PLXDC2: variants seen among roughly 807,000 people sequenced by gnomAD.
PLXDC2 encodes the protein plexin domain-containing protein 2.
A neutral mutation model predicts 68.9 loss-of-function variants in PLXDC2; 40 were observed. The observed-to-expected ratio is 0.58, with a 90% CI of 0.45 to 0.76. The LOEUF is 0.76. Ranked by LOEUF, PLXDC2 falls within the 30% of genes least tolerant of loss-of-function variation. The pLI, the probability that PLXDC2 is intolerant of heterozygous loss-of-function variation, is 0.00. For synonymous variants in PLXDC2, 243 were observed against 234.2 expected (o/e 1.04, Z -0.34); for missense variants, 644 against 661.9 (o/e 0.97, Z 0.30).
At chr10:20,185,160 G>GAAAAAAAA (rs11307851) in intron 9 of PLXDC2, among the ~76,000 whole-genome samples, 3 of 55,992 alleles carry the variant, frequency 5.4e-5, no homozygotes, top group Non-Finnish European at 6.4e-5. Flanking sequence ...GAACTGAAAG[G>GAAAAAAAA]AAAAAAAAAA....
chr10:19,976,595 A>G (rs905381661), intron 1 of PLXDC2, among the ~76,000 whole-genome samples: 1 of 152,174 alleles, frequency 6.6e-6, no homozygotes, highest in Non-Finnish European at 1.5e-5. Context: ...CCATCAGCGT[A>G]CAAAAATTTC....
chr10:20,164,852 G>C (rs1356038129), intron 7 of PLXDC2, among the ~76,000 whole-genome samples: 1 of 152,028 alleles, frequency 6.6e-6, no homozygotes, highest in South Asian at 2.1e-4. Context: ...GTCTTACTCT[G>C]TCACCCAGGC....
chr10:20,155,299 G>A (rs1834203322), intron 6 of PLXDC2, among the ~76,000 whole-genome samples: 2 of 152,174 alleles, frequency 1.3e-5, no homozygotes, highest in African/African-American at 2.4e-5. Flanking sequence ...TAGAAAAAAG[G>A]TAATTCAAGA....
intron 13 of PLXDC2, among the ~76,000 whole-genome samples, chr10:20,275,591 CAA>C (rs1349335073): frequency 2.0e-5 from 3 of 152,058 alleles, no homozygotes; most frequent in Admixed American, 6.6e-5. Flanking sequence ...TATTAGAAAA[CAA>C]AAAGAGTCCA....
chr10:19,852,131 A>C (rs72784121), intron 1 of PLXDC2, among the ~76,000 whole-genome samples: 17 of 152,214 alleles, frequency 1.1e-4, no homozygotes, highest in Admixed American at 8.5e-4. Context: ...AAGGCTGGGC[A>C]TGGTGGCTCA....
chr10:19,910,509 G>T (rs1833248635), intron 1 of PLXDC2, among the ~76,000 whole-genome samples: 1 of 151,098 alleles, frequency 6.6e-6, no homozygotes, highest in Admixed American at 6.6e-5. Flanking sequence ...AAAGGACTGG[G>T]TCCTTCCACT....
chr10:20,103,591 TGAGAGA>T (rs57564391), intron 4 of PLXDC2, among the ~76,000 whole-genome samples: 15 of 145,718 alleles, frequency 1.0e-4, no homozygotes, highest in Admixed American at 2.0e-4. Flanking sequence ...GGTTTGTGTG[TGAGAGA>T]GAGAGAGAGA....
intron 1 of PLXDC2, among the ~76,000 whole-genome samples, chr10:19,823,875 G>C (rs1006526824): frequency 6.6e-6 from 1 of 151,950 alleles, no homozygotes; most frequent in South Asian, 2.1e-4. Context: ...GTTCATGGTG[G>C]TGCACACCTG....
intron 2 of PLXDC2, among the ~76,000 whole-genome samples, chr10:20,021,340 G>T (rs533650265): frequency 3.9e-5 from 6 of 152,132 alleles, no homozygotes; most frequent in African/African-American, 1.4e-4. Flanking sequence ...ACATGCCCTG[G>T]TGGTTTGCTG....
chr10:20,155,854 G>A (rs12219524), intron 6 of PLXDC2, among the ~76,000 whole-genome samples: 29,951 of 151,924 alleles, frequency 0.2, 3,652 homozygotes, highest in East Asian at 0.39. Context: ...CAATGTCCCA[G>A]AGGAAATTAT....
intron 10 of PLXDC2, among the ~76,000 whole-genome samples, chr10:20,212,514 G>A (rs1320680294): frequency 1.3e-5 from 2 of 151,758 alleles, no homozygotes; most frequent in South Asian, 2.1e-4. Flanking sequence ...ATGAAGAAAA[G>A]CATTTACTTC....
intron 1 of PLXDC2, among the ~76,000 whole-genome samples, chr10:19,892,874 C>T (rs148179516): frequency 0.013 from 2,026 of 151,248 alleles, 30 homozygotes; most frequent in Non-Finnish European, 0.018. Context: ...CCCAATCAGA[C>T]AGCAGGAGGA....
chr10:19,979,068 G>T (rs1471440518), intron 1 of PLXDC2, among the ~76,000 whole-genome samples: 1 of 152,174 alleles, frequency 6.6e-6, no homozygotes, highest in Non-Finnish European at 1.5e-5. Flanking sequence ...AAGATTCTCA[G>T]TCCATGTTGA....
intron 13 of PLXDC2, among the ~76,000 whole-genome samples, chr10:20,252,553 A>G (rs912064946): frequency 5.3e-5 from 8 of 152,220 alleles, no homozygotes; most frequent in Non-Finnish European, 1.2e-4. Context: ...TTGGTTCCAT[A>G]TTTTTTAAAA....
intron 4 of PLXDC2, among the ~76,000 whole-genome samples, chr10:20,091,070 G>A (rs750688122): frequency 2.6e-5 from 4 of 151,912 alleles, no homozygotes; most frequent in African/African-American, 2.4e-5. Context: ...CCCACACCCC[G>A]GTTTTAAAAC....
intron 1 of PLXDC2, among the ~76,000 whole-genome samples, chr10:19,834,648 T>G (rs985291115): frequency 2.0e-5 from 3 of 152,220 alleles, no homozygotes; most frequent in African/African-American, 4.8e-5. Flanking sequence ...CAAGATGTAA[T>G]TGTTTCGAAA....
intron 9 of PLXDC2, among the ~76,000 whole-genome samples, chr10:20,200,948 C>T (rs959863709): frequency 3.9e-5 from 6 of 152,034 alleles, no homozygotes; most frequent in Admixed American, 3.9e-4. Context: ...TAAACTGGTA[C>T]AGCCGCTGTG....
At chr10:20,189,476 CATATAT>C (rs59999548) in intron 9 of PLXDC2, among the ~76,000 whole-genome samples, 2,026 of 75,776 alleles carry the variant, frequency 0.027, 49 homozygotes, top group Non-Finnish European at 0.041. Context: ...AAAGGTAGGC[CATATAT>C]ATATATATAT....
chr10:19,995,310 A>G (rs1834825307), intron 1 of PLXDC2, among the ~76,000 whole-genome samples: 1 of 152,200 alleles, frequency 6.6e-6, no homozygotes, highest in African/African-American at 2.4e-5. Context: ...GACAATGTCC[A>G]GGGAAACCAG....
Sources: allele counts gnomAD v4.1 joint callset (sites outside exome capture counted in the v4.1 genomes callset), GRCh38; gene constraint gnomAD v4.1.1; transcripts MANE v1.5; gene names NCBI Gene and HGNC (gene_info 2026-07-23, HGNC 2026-07-21).